The following C11orf97 variants were observed in gnomAD, a reference collection of about 807,000 sequenced individuals.
C11orf97 encodes chromosome 11 open reading frame 97, also known as uncharacterized protein C11orf97.
In C11orf97, 15 loss-of-function variants were observed where a neutral mutation model predicts 16.2. That is an observed-to-expected ratio of 0.93 (90% CI 0.62 to 1.43). The LOEUF is 1.43. C11orf97 is among the 40% of genes most tolerant of loss of function. The pLI is 0.00. For missense variants in C11orf97, 171 were observed against 161.2 expected (o/e 1.06, Z -0.33); for synonymous variants, 61 against 65.7 (o/e 0.93, Z 0.34).
intron 3 of C11orf97, among the ~76,000 whole-genome samples, chr11:94,529,045 C>T (rs563767009): frequency 1.3e-5 from 2 of 152,160 alleles, no homozygotes; most frequent in East Asian, 3.9e-4. Context: ...TTTAGGAGGC[C>T]AAGGTAGGCA....
intron 3 of C11orf97, among the ~76,000 whole-genome samples, chr11:94,531,526 CAAAAAAAAAAAAA>C (rs35270400): frequency 1.1e-5 from 1 of 92,076 alleles, no homozygotes; most frequent in Non-Finnish European, 2.1e-5. Flanking sequence ...CAAAACAAGC[CAAAAAAAAAAAAA>C]AAAAAAAAAG....
Position 94,517,579 on chromosome 11 carries a change from A to T in C11orf97, c.146-4A>T. On this transcript the variant is annotated splice_polypyrimidine_tract_variant and splice_region_variant and intron_variant, in intron 1 of 3. Coordinates refer to ENST00000542198, the MANE Select transcript of C11orf97 (RefSeq NM_001190462.2). ...AGTAATTGATTTTGTTAATGCCTTT[A>T]TAGGGAAGAAATTTTTATATTGTGA... 6.6e-7 allele frequency: 1 copy of T among 1,512,534 alleles called. No homozygotes were observed. The highest frequency in any genetic ancestry group is 8.8e-7 in the Non-Finnish European group (1 of 1,132,022). 93.7% of individuals were successfully genotyped at this position (1,512,534 alleles called of 1,614,324 possible). A position where few individuals can be genotyped will look rare whatever the true frequency, so the allele number is the denominator to read the frequency against.
intron 1 of C11orf97, among the ~76,000 whole-genome samples, chr11:94,514,008 C>T (rs1947588922): frequency 6.6e-6 from 1 of 152,142 alleles, no homozygotes; most frequent in Non-Finnish European, 1.5e-5. Context: ...CAGGGTATCG[C>T]CATGTTGGTC....
intron 2 of C11orf97, among the ~76,000 whole-genome samples, chr11:94,527,685 A>G (rs1947710430): frequency 6.6e-6 from 1 of 152,202 alleles, no homozygotes; most frequent in Admixed American, 6.5e-5. Context: ...GGATGAATTA[A>G]TGTAGTGATT....
At chr11:94,518,017 C>T (rs931562687) in intron 2 of C11orf97, among the ~76,000 whole-genome samples, 6 of 151,846 alleles carry the variant, frequency 4.0e-5, no homozygotes, top group African/African-American at 9.7e-5. Flanking sequence ...GGTATGGTGG[C>T]GGGCACCTGT....
At chr11:94,523,175 T>TA (rs1387756944) in intron 2 of C11orf97, among the ~76,000 whole-genome samples, 1 of 152,226 alleles carries the variant, frequency 6.6e-6, no homozygotes, top group East Asian at 1.9e-4. Context: ...TTCTTACCCC[T>TA]AGCCAGCTTT....
chr11:94,512,623 G>A lies in C11orf97; in HGVS notation c.95G>A (p.Cys32Tyr). 1 of 1,257,966 alleles carries A rather than the reference G, an allele frequency of 7.9e-7. No individual in the cohort carries two copies. Among genetic ancestry groups the A allele is most frequent in the South Asian group, 2.9e-5 (1 of 34,322 alleles). The allele number at this position is 1,257,966 out of a possible 1,614,324, so 77.9% of individuals were successfully genotyped here. Residue 32 changes from cysteine to tyrosine, a missense_variant, in exon 1 of 4, where the codon TGC (cysteine) becomes TAC (tyrosine). Transcript: ENST00000542198. ...CCTCCTCCGCCAGCAGGGCTGGGGT[G>A]CGGGGCGCGCGGGGAACCCGGCCGC... ...EQPPPPAGLGCGARGEPGRGP... is the reference protein window; with the variant it reads ...EQPPPPAGLGYGARGEPGRGP...
intron 3 of C11orf97, among the ~76,000 whole-genome samples, chr11:94,531,494 G>A (rs151275098): frequency 5.7e-4 from 65 of 113,594 alleles, no homozygotes; most frequent in African/African-American, 1.9e-3. Context: ...ACCTTTTATC[G>A]TTTCCTTCTT....
intron 3 of C11orf97, among the ~76,000 whole-genome samples, chr11:94,530,061 G>A (rs1263461204): frequency 6.6e-6 from 1 of 152,122 alleles, no homozygotes; most frequent in Non-Finnish European, 1.5e-5. Flanking sequence ...TTTATTTAAA[G>A]ACATACAAGT....
chr11:94,512,703 T>G (rs1179935791), intron 1 of C11orf97, 30 bp downstream of exon 1: 1 of 1,235,532 alleles, frequency 8.1e-7, no homozygotes, highest in Non-Finnish European at 1.0e-6. Context: ...CGGACGCTAC[T>G]GGGAGGAGGG....
intron 2 of C11orf97, among the ~76,000 whole-genome samples, chr11:94,520,139 T>C: frequency 6.6e-6 from 1 of 152,242 alleles, no homozygotes; most frequent in Non-Finnish European, 1.5e-5. Flanking sequence ...AGGCATTTGT[T>C]CCCATGAGTC....
intron 1 of C11orf97, among the ~76,000 whole-genome samples, chr11:94,513,628 C>T (rs914368807): frequency 6.6e-6 from 1 of 152,196 alleles, no homozygotes; most frequent in Non-Finnish European, 1.5e-5. Context: ...CCCCAGAGAC[C>T]TCATCAAGAA....
Position 94,513,482 on chromosome 11 carries a change from C to T in C11orf97, c.145+809C>T, listed in dbSNP as rs566808897. Among the ~76,000 whole-genome samples the T allele has an allele frequency of 1.5e-4, 23 of 152,328 alleles. 1 individual carries two copies. In the South Asian group the frequency reaches 4.8e-3, roughly 32 times the overall value. Reference sequence around the variant, plus strand: ...AGGAACAGAGTAGTTTCCAGCCTTCCTGCAGCACCTTCTTGACTGCATCTC... The same window carrying T: ...AGGAACAGAGTAGTTTCCAGCCTTCTTGCAGCACCTTCTTGACTGCATCTC... On this transcript the variant is annotated intron_variant, in intron 1 of 3. Transcript: ENST00000542198.
In C11orf97 at chr11:94,514,006, C is replaced by T. The variant is rs540361281; in HGVS notation, c.145+1333C>T. On this transcript the variant is annotated intron_variant, in intron 1 of 3. Transcript: ENST00000542198. ...CGCATTTTTAGTAGAGACAGGGTAT[C>T]GCCATGTTGGTCAGGCTGGTCTTCA... 1.8e-4 allele frequency among the ~76,000 whole-genome samples: 28 copies of T among 152,240 alleles called. No homozygotes were observed. The East Asian group carries it at 3.5e-3, about 19-fold the overall frequency.
intron 3 of C11orf97, among the ~76,000 whole-genome samples, chr11:94,531,437 T>TCAAA (rs35944099): frequency 0.29 from 42,451 of 145,284 alleles, 6,428 homozygotes; most frequent in Non-Finnish European, 0.32. Flanking sequence ...AGACTGTGTT[T>TCAAA]CAAACAAACA....
chr11:94,527,573 G>A (rs1160735088), intron 2 of C11orf97, among the ~76,000 whole-genome samples: 1 of 152,156 alleles, frequency 6.6e-6, no homozygotes, highest in Admixed American at 6.5e-5. Context: ...TAAAATGTAG[G>A]ATCCAGTGAG....
rs1304721218 is a variant in C11orf97 at position 94,512,640 on chromosome 11, C to A, written c.112C>A (p.Pro38Thr). The change falls in exon 1 of 4, where the codon CCC becomes ACC. Residue 38 changes from proline to threonine, a missense_variant. Coordinates refer to ENST00000542198, the MANE Select transcript of C11orf97 (RefSeq NM_001190462.2). ...AGLGCGARGEPGRGPLEHGQQ... is the reference protein window; with the variant it reads ...AGLGCGARGETGRGPLEHGQQ... ...GCTGGGGTGCGGGGCGCGCGGGGAA[C>A]CCGGCCGCGGCCCCCTAGAGCACGG... 7.2e-6 allele frequency: 9 copies of A among 1,253,790 alleles called. No individual in the cohort carries two copies. The highest frequency in any genetic ancestry group is 1.5e-5 in the African/African-American group (1 of 64,526). 77.7% of individuals were successfully genotyped at this position (1,253,790 alleles called of 1,614,324 possible).
chr11:94,519,122 T>C (rs1233094741), intron 2 of C11orf97, among the ~76,000 whole-genome samples: 2 of 152,096 alleles, frequency 1.3e-5, no homozygotes, highest in East Asian at 3.9e-4. Flanking sequence ...GTTGGTCAGG[T>C]TGGTCTTGAA....
intron 2 of C11orf97, among the ~76,000 whole-genome samples, chr11:94,518,605 C>G (rs1014135591): frequency 6.6e-6 from 1 of 152,176 alleles, no homozygotes; most frequent in African/African-American, 2.4e-5. Context: ...AAGAGATGCT[C>G]TAGGAGCCCC....
Sources: gnomAD v4.1 joint callset for allele counts (sites outside exome capture counted in the v4.1 genomes callset) on GRCh38, gnomAD v4.1.1 for gene constraint, MANE v1.5 for transcripts, NCBI Gene and HGNC (gene_info 2026-07-23, HGNC 2026-07-21) for gene names.